Variants in ILRUN observed in about 807,000 individuals in gnomAD.
The protein encoded by ILRUN is inflammation and lipid regulator with UBA-like and NBR1-like domains, also known as protein ILRUN.
A neutral mutation model predicts 33.8 loss-of-function variants in ILRUN; 3 were observed. The observed-to-expected ratio is 0.09, with a 90% confidence interval of 0.04 to 0.23. The LOEUF (loss-of-function observed/expected upper bound fraction) is 0.23, where lower values mean the gene tolerates loss of function less well. Among genes scored for constraint, ILRUN ranks in the 10% least tolerant of loss-of-function variants. The pLI is 1.00. For synonymous variants in ILRUN, 124 were observed against 138.9 expected (o/e 0.89, Z 0.75); for missense variants, 210 against 375.1 (o/e 0.56, Z 3.64).
At chr6:34,603,788 C>T (rs961771420) in intron 4 of ILRUN, among the ~76,000 whole-genome samples, 14 of 152,192 alleles carry the variant, frequency 9.2e-5, no homozygotes, top group African/African-American at 2.9e-4. Flanking sequence ...GTACTGCGGG[C>T]TCCTAGTGGG....
intron 1 of ILRUN, among the ~76,000 whole-genome samples, chr6:34,682,646 G>C (rs1193634948): frequency 6.6e-6 from 1 of 151,752 alleles, no homozygotes; most frequent in African/African-American, 2.4e-5. Flanking sequence ...GCTAATTTTT[G>C]TATTTTTTGT....
chr6:34,624,975 G>T (rs1762087225), intron 3 of ILRUN, among the ~76,000 whole-genome samples: 1 of 152,076 alleles, frequency 6.6e-6, no homozygotes, highest in Non-Finnish European at 1.5e-5. Context: ...TGGCTTCAAG[G>T]AAACTGCTCC....
chr6:34,660,270 T>C (rs1485125475), intron 1 of ILRUN, among the ~76,000 whole-genome samples: 3 of 151,424 alleles, frequency 2.0e-5, no homozygotes, highest in Non-Finnish European at 4.4e-5. Flanking sequence ...GCCACTGCAC[T>C]CCAGCCTGGG....
intron 1 of ILRUN, among the ~76,000 whole-genome samples, chr6:34,658,471 T>G (rs1420686731): frequency 6.6e-6 from 1 of 150,550 alleles, no homozygotes; most frequent in African/African-American, 2.4e-5. Flanking sequence ...TTTACCACAA[T>G]GAAATAATTT....
intron 4 of ILRUN, among the ~76,000 whole-genome samples, chr6:34,603,689 GA>G (rs1287346720): frequency 1.3e-5 from 2 of 152,116 alleles, no homozygotes. Flanking sequence ...TATATATTAG[GA>G]CTGTATTGCT....
chr6:34,603,431 G>A (rs1761558487), intron 4 of ILRUN, among the ~76,000 whole-genome samples: 1 of 152,154 alleles, frequency 6.6e-6, no homozygotes, highest in Non-Finnish European at 1.5e-5. Flanking sequence ...TCAGGAGATC[G>A]AGACCATCCC....
rs533529288 is a variant in ILRUN at position 34,695,465 on chromosome 6, T to C, written c.158+981A>G. Among the ~76,000 whole-genome samples, 14 of 152,342 alleles carry C rather than the reference T, an allele frequency of 9.2e-5. No individual in the cohort carries two copies. In the East Asian group the frequency reaches 2.7e-3, roughly 29 times the overall value. ...AGCGTTGCTTAACAACGACAGCAAG[T>C]GCTACTTCCAAAGCCAAGAAACACT... On this transcript the variant is annotated intron_variant, in intron 1 of 4. Transcript: ENST00000374023.
At chr6:34,605,321 A>AAAC (rs1164073616) in intron 4 of ILRUN, among the ~76,000 whole-genome samples, 40 of 115,534 alleles carry the variant, frequency 3.5e-4, no homozygotes, top group East Asian at 1.4e-3. Flanking sequence ...ACAAAAACAA[A>AAAC]AAAAAAAAAA....
chr6:34,684,932 C>T (rs979051334), intron 1 of ILRUN, among the ~76,000 whole-genome samples: 1 of 152,140 alleles, frequency 6.6e-6, no homozygotes, highest in African/African-American at 2.4e-5. Flanking sequence ...TGTTCTGTAT[C>T]TGGGAAGCAA....
chr6:34,610,195 A>G (rs899595284), intron 3 of ILRUN, among the ~76,000 whole-genome samples: 1 of 152,124 alleles, frequency 6.6e-6, no homozygotes, highest in African/African-American at 2.4e-5. Flanking sequence ...AAAAAAAAGA[A>G]AAGAAAATAT....
intron 1 of ILRUN, among the ~76,000 whole-genome samples, chr6:34,670,667 A>G (rs1344537265): frequency 6.6e-6 from 1 of 151,452 alleles, no homozygotes; most frequent in African/African-American, 2.4e-5. Flanking sequence ...CTTGGCCAAC[A>G]TGGTGAAACC....
chr6:34,601,285 A>T (rs1324498071), intron 4 of ILRUN, among the ~76,000 whole-genome samples: 1 of 152,232 alleles, frequency 6.6e-6, no homozygotes, highest in East Asian at 1.9e-4. Flanking sequence ...AGCTCTGATT[A>T]ATGTTCTTTC....
intron 3 of ILRUN, among the ~76,000 whole-genome samples, chr6:34,641,492 C>A (rs1345584695): frequency 6.6e-6 from 1 of 152,180 alleles, no homozygotes; most frequent in Non-Finnish European, 1.5e-5. Context: ...CCCCACAGAG[C>A]TCCAGCGGTC....
intron 3 of ILRUN, among the ~76,000 whole-genome samples, chr6:34,641,897 T>C (rs1363873440): frequency 1.3e-5 from 2 of 152,162 alleles, no homozygotes; most frequent in Non-Finnish European, 2.9e-5. Flanking sequence ...AATTGAGTAT[T>C]ATGAAAAAAC....
chr6:34,683,489 T>TATATATACATATATATATAC (rs1763442367), intron 1 of ILRUN, among the ~76,000 whole-genome samples: 2 of 91,240 alleles, frequency 2.2e-5, no homozygotes, highest in Non-Finnish European at 4.1e-5. Context: ...TATATATACA[T>TATATATACATATATATATAC]ATATATATAC....
At chr6:34,674,306 C>T (rs1763183024) in intron 1 of ILRUN, among the ~76,000 whole-genome samples, 2 of 152,190 alleles carry the variant, frequency 1.3e-5, no homozygotes, top group Admixed American at 6.5e-5. Context: ...GGATTATAGG[C>T]GTGAGCCACC....
At chr6:34,628,384 C>G (rs1762180948) in intron 3 of ILRUN, among the ~76,000 whole-genome samples, 1 of 151,776 alleles carries the variant, frequency 6.6e-6, no homozygotes, top group South Asian at 2.1e-4. Flanking sequence ...AGTGCAGTGG[C>G]ATGATCTCGG....
chr6:34,658,221 C>CT (rs1582086013), intron 1 of ILRUN, among the ~76,000 whole-genome samples: 1 of 151,786 alleles, frequency 6.6e-6, no homozygotes, highest in East Asian at 2.0e-4. Flanking sequence ...TAGTGCATGC[C>CT]TGTAATGAGC....
intron 3 of ILRUN, among the ~76,000 whole-genome samples, chr6:34,629,572 C>T (rs1396908606): frequency 6.6e-6 from 1 of 151,990 alleles, no homozygotes; most frequent in African/African-American, 2.4e-5. Flanking sequence ...ATATTTTTTC[C>T]CTTTGGCTTC....
Sources: allele counts gnomAD v4.1 joint callset (sites outside exome capture counted in the v4.1 genomes callset), GRCh38; gene constraint gnomAD v4.1.1; transcripts MANE v1.5; gene names NCBI Gene and HGNC (gene_info 2026-07-23, HGNC 2026-07-21).